CDC42BPB: variants seen among roughly 807,000 people sequenced by gnomAD.
CDC42BPB encodes the protein serine/threonine-protein kinase MRCK beta.
In CDC42BPB, 37 loss-of-function variants were observed where a neutral mutation model predicts 214.9. The ratio of observed to expected loss-of-function variants is 0.17; its 90% confidence interval spans 0.13 to 0.23. The LOEUF (loss-of-function observed/expected upper bound fraction) is 0.23. Among genes scored for constraint, CDC42BPB ranks in the 10% least tolerant of loss-of-function variants. The pLI is 1.00. For missense variants in CDC42BPB, 1,694 were observed against 2,227.0 expected (o/e 0.76, Z 4.82); for synonymous variants, 931 against 884.0 (o/e 1.05, Z -0.94).
At chr14:103,053,579 G>A (rs576588903) in intron 1 of CDC42BPB, among the ~76,000 whole-genome samples, 6 of 151,436 alleles carry the variant, frequency 4.0e-5, no homozygotes, top group East Asian at 2.0e-4. Context: ...GGCTAACACG[G>A]TGAAACCCCG....
rs562881496 is a variant in CDC42BPB, at chr14:103,001,873, G to C, written c.447+2055C>G. ...AGGAGGAGCTTCCTACAGCAGCACTGGGTCTGATCAACGGTCTCCTGGAGC... is the reference window on the plus strand; with the variant it reads ...AGGAGGAGCTTCCTACAGCAGCACTCGGTCTGATCAACGGTCTCCTGGAGC... On this transcript the variant is annotated intron_variant, in intron 4 of 36. Coordinates refer to ENST00000361246, the MANE Select transcript of CDC42BPB (RefSeq NM_006035.4). This position sits in a 1 kb window ranked among gnomAD's most constrained non-coding sequence, Gnocchi z 5.8. 3.2e-4 allele frequency among the ~76,000 whole-genome samples: 49 copies of C among 152,268 alleles called. 1 individual carries two copies. Among genetic ancestry groups the C allele is most frequent in the Admixed American group, 6.5e-4 (10 of 15,298 alleles).
At chr14:102,966,553 C>A (rs1332345033) in intron 17 of CDC42BPB, 166 bp from the exon 18 acceptor site, 4 of 982,090 alleles carry the variant, frequency 4.1e-6, no homozygotes, top group African/African-American at 1.7e-5. Context: ...TTGATGGATG[C>A]GTCGTTACAT....
At chr14:102,950,435 G>A (rs56305492) in intron 25 of CDC42BPB, 31 bp downstream of exon 25, 24 of 1,610,814 alleles carry the variant, frequency 1.5e-5, no homozygotes, top group Admixed American at 6.7e-5. Context: ...CACAGGCACC[G>A]AGGGCTGAGG....
At chr14:102,969,211 C>T (rs1469251996) in intron 14 of CDC42BPB, among the ~76,000 whole-genome samples, 3 of 152,240 alleles carry the variant, frequency 2.0e-5, no homozygotes. Context: ...GGGCAAAGAA[C>T]AAGGGCACAG....
chr14:103,038,826 A>G (rs1325076709), intron 1 of CDC42BPB, among the ~76,000 whole-genome samples: 1 of 151,694 alleles, frequency 6.6e-6, no homozygotes, highest in East Asian at 1.9e-4. Context: ...GGCTACAATT[A>G]CCTTTTATTA....
intron 6 of CDC42BPB, among the ~76,000 whole-genome samples, chr14:102,985,253 G>T (rs918080653): frequency 6.8e-6 from 1 of 147,578 alleles, no homozygotes; most frequent in African/African-American, 2.5e-5. Context: ...GTGTGGAGGT[G>T]AGGAGGGTAA....
chr14:103,048,025 G>C (rs2139772631), intron 1 of CDC42BPB, among the ~76,000 whole-genome samples: 1 of 152,206 alleles, frequency 6.6e-6, no homozygotes, highest in South Asian at 2.1e-4. Flanking sequence ...TCCAGAAAGG[G>C]GAATTCAACA....
intron 1 of CDC42BPB, among the ~76,000 whole-genome samples, chr14:103,033,917 C>T (rs138720677): frequency 1.3e-4 from 20 of 152,246 alleles, no homozygotes; most frequent in African/African-American, 4.1e-4. Context: ...GCCATGAGTA[C>T]GTTTGTTTTA....
intron 18 of CDC42BPB, 130 bp downstream of exon 18, chr14:102,966,152 G>A: frequency 1.6e-6 from 1 of 616,754 alleles, no homozygotes; most frequent in South Asian, 2.0e-5. Context: ...TCCTTAAATT[G>A]GGGAACTGGT....
intron 1 of CDC42BPB, among the ~76,000 whole-genome samples, chr14:103,035,927 G>A (rs1461307583): frequency 6.6e-6 from 1 of 152,064 alleles, no homozygotes; most frequent in East Asian, 1.9e-4. Flanking sequence ...CAAGGCAGGA[G>A]GATCGCTTTA....
chr14:102,976,745 T>C (rs1893764231), intron 9 of CDC42BPB, among the ~76,000 whole-genome samples: 1 of 152,214 alleles, frequency 6.6e-6, no homozygotes, highest in Non-Finnish European at 1.5e-5. Flanking sequence ...GGTCAGTGTT[T>C]CTCCACAGGT....
At position 103,004,416 on chromosome 14, in the gene CDC42BPB, C is replaced by T. The variant is rs1185104101; in HGVS notation, c.352-393G>A. The T allele has an allele frequency of 2.8e-5, 5 of 181,534 alleles. No homozygotes were observed. The highest frequency in any genetic ancestry group is 4.6e-5 in the Non-Finnish European group (4 of 86,540). The allele number at this position is 181,534 out of a possible 1,614,324, so 11.2% of individuals were successfully genotyped here. ...GGCAGCCCCACGTGTCTGCCCTCTC[C>T]GTCCTATACCCACTACTGAGCTGCT... On this transcript the variant is annotated intron_variant, in intron 3 of 36. Transcript: ENST00000361246. The surrounding 1 kb of genome is among the most constrained non-coding windows in gnomAD (Gnocchi z 5.3).
intron 1 of CDC42BPB, among the ~76,000 whole-genome samples, chr14:103,032,312 G>C (rs1158285122): frequency 1.3e-5 from 2 of 152,064 alleles, no homozygotes; most frequent in East Asian, 1.9e-4. Flanking sequence ...CTCCTGACTG[G>C]AATATACTTT....
chr14:102,992,254 T>C (rs188960831), intron 5 of CDC42BPB, among the ~76,000 whole-genome samples: 23 of 152,316 alleles, frequency 1.5e-4, no homozygotes, highest in African/African-American at 5.5e-4. Context: ...CTGTGACATA[T>C]CTCAGTAAGA....
At chr14:103,051,154 C>CGGGGGGGGGGGGGGGGGGGGGG (rs1179516926) in intron 1 of CDC42BPB, among the ~76,000 whole-genome samples, 4 of 6,836 alleles carry the variant, frequency 5.9e-4, no homozygotes, top group Admixed American at 1.8e-3. Flanking sequence ...GTATTTGGGG[C>CGGGGGGGGGGGGGGGGGGGGGG]GGGGGGGCGG....
chr14:102,964,433 A>C, intron 19 of CDC42BPB, 69 bp downstream of exon 19: 3 of 1,547,380 alleles, frequency 1.9e-6, no homozygotes, highest in Non-Finnish European at 2.6e-6. Flanking sequence ...GGAGCCCGTG[A>C]GGCTCAGGGC....
At chr14:102,957,768 T>C (rs1892776767) in intron 21 of CDC42BPB, among the ~76,000 whole-genome samples, 1 of 152,214 alleles carries the variant, frequency 6.6e-6, no homozygotes, top group African/African-American at 2.4e-5. Flanking sequence ...GGGAGGCTGC[T>C]ACGGGCAGAT....
intron 1 of CDC42BPB, among the ~76,000 whole-genome samples, chr14:103,055,634 T>C (rs1288512510): frequency 1.3e-5 from 2 of 152,240 alleles, no homozygotes; most frequent in Admixed American, 1.3e-4. Context: ...AGGCTGTCCT[T>C]GATCTCAGGA....
At chr14:102,939,140 CGTGTTAGCCAG>C in intron 34 of CDC42BPB, among the ~76,000 whole-genome samples, 1 of 152,068 alleles carries the variant, frequency 6.6e-6, no homozygotes, top group South Asian at 2.1e-4. Flanking sequence ...AGGGTTTCAC[CGTGTTAGCCAG>C]GATGGTCTCG....
Sources: gnomAD v4.1 joint callset for allele counts (sites outside exome capture counted in the v4.1 genomes callset) on GRCh38, gnomAD v4.1.1 for gene constraint, Gnocchi (gnomAD v3.1) non-coding constraint, MANE v1.5 for transcripts, NCBI Gene and HGNC (gene_info 2026-07-23, HGNC 2026-07-21) for gene names.